The following WDFY3 variants were observed in gnomAD, a reference collection of about 807,000 sequenced individuals.
WDFY3 encodes WD repeat and FYVE domain containing 3.
In WDFY3, 66 loss-of-function variants were observed where a neutral mutation model predicts 409.6. The observed-to-expected ratio is 0.16, with a 90% CI of 0.13 to 0.20. The LOEUF is 0.20. Ranked by LOEUF, WDFY3 falls within the 10% of genes least tolerant of loss-of-function variation. WDFY3 has a pLI of 1.00. For synonymous variants in WDFY3, 1,521 were observed against 1,537.1 expected, an observed-to-expected ratio of 0.99 and a Z score of 0.25; for missense variants, 3,031 against 4,298.1, an observed-to-expected ratio of 0.71 and a Z score of 8.24.
intron 15 of WDFY3, among the ~76,000 whole-genome samples, chr4:84,805,334 C>T (rs1045921073): frequency 8.6e-5 from 13 of 151,964 alleles, no homozygotes; most frequent in Admixed American, 3.3e-4. Context: ...CATTTTTTAT[C>T]TTATATAAGA....
chr4:84,700,465 A>G (rs1012139962), intron 56 of WDFY3, among the ~76,000 whole-genome samples: 1 of 152,198 alleles, frequency 6.6e-6, no homozygotes, highest in Admixed American at 6.5e-5. Flanking sequence ...TGGCCTCCCA[A>G]AGTGCTGGGA....
chr4:84,868,128 T>C (rs567916729), intron 3 of WDFY3, among the ~76,000 whole-genome samples: 6 of 116,976 alleles, frequency 5.1e-5, no homozygotes, highest in East Asian at 5.8e-4. Context: ...GCCGAGATCA[T>C]GCCACTGCAC....
intron 57 of WDFY3, 85 bp downstream of exon 57, chr4:84,696,647 G>T: frequency 7.4e-7 from 1 of 1,344,524 alleles, no homozygotes; most frequent in Non-Finnish European, 1.1e-6. Flanking sequence ...CAAACAGGTG[G>T]TACTCTGGCT....
At chr4:84,906,642 G>T (rs975242465) in intron 2 of WDFY3, among the ~76,000 whole-genome samples, 7 of 152,048 alleles carry the variant, frequency 4.6e-5, no homozygotes, top group African/African-American at 1.7e-4. Flanking sequence ...TATAACCTAT[G>T]CACATTTTCC....
chr4:84,849,918 T>C lies in WDFY3; in HGVS notation c.288A>G (p.Ala96=), dbSNP rs760822577. The C allele has an allele frequency of 6.2e-7, 1 of 1,612,196 alleles. No homozygotes were observed. The highest frequency in any genetic ancestry group is 1.7e-5 in the Admixed American group (1 of 59,532). The change falls in exon 5 of 68, where the codon GCA becomes GCG. Residue 96 remains alanine (A), a synonymous_variant. Transcript: ENST00000295888. ...RLMVTEIRRR[A]SNKSTEAASR... is the part of the protein sequence containing the mutation. The stretch of plus-strand genomic sequence containing the variant: ...TAAAAATACCTGTGGATTTGTTTGA[T>C]GCTCTCCTTCGAATTTCTGTCACCA...
chr4:84,696,774 C>G lies in WDFY3; in HGVS notation c.8646G>C (p.Trp2882Cys). 1 of 1,613,594 alleles carries G rather than the reference C, an allele frequency of 6.2e-7. No homozygotes were observed. The highest frequency in any genetic ancestry group is 8.5e-7 in the Non-Finnish European group (1 of 1,179,858). The change falls in exon 57 of 68, where the codon TGG becomes TGC. Residue 2882 changes from tryptophan to cysteine, a missense_variant. Trp to Cys is a radical substitution (Grantham distance 215). Around this residue, in one of 16 missense-constraint regions of WDFY3, gnomAD observed 129 missense variants for 305.3 expected, o/e 0.42. Coordinates refer to ENST00000295888, the MANE Select transcript of WDFY3 (RefSeq NM_014991.6). ...TKLGDVILPP[W>C]AKGDPREFIR... ...TGAATTCTCGTGGGTCCCCTTTTGC[C>G]CAGGGTGGAAGGATAACATCTCCAA...
At chr4:84,957,529 G>A (rs1044633447) in intron 1 of WDFY3, among the ~76,000 whole-genome samples, 5 of 152,262 alleles carry the variant, frequency 3.3e-5, no homozygotes, top group Middle Eastern at 3.4e-3. Flanking sequence ...GTTCAAAGAC[G>A]TGAAGGTAAT....
chr4:84,882,609 AAC>A (rs1272469750), intron 3 of WDFY3, among the ~76,000 whole-genome samples: 1 of 152,208 alleles, frequency 6.6e-6, no homozygotes, highest in Non-Finnish European at 1.5e-5. Context: ...GAAATTCCTA[AAC>A]ACACTTTAAA....
chr4:84,751,386 G>C, intron 36 of WDFY3, 97 bp downstream of exon 36: 1 of 1,255,054 alleles, frequency 8.0e-7, no homozygotes, highest in South Asian at 1.3e-5. Flanking sequence ...ATAAACAAGA[G>C]GAATTAGAAA....
intron 1 of WDFY3, among the ~76,000 whole-genome samples, chr4:84,934,204 T>A (rs1771125275): frequency 6.6e-6 from 1 of 152,130 alleles, no homozygotes; most frequent in Non-Finnish European, 1.5e-5. Flanking sequence ...GTCTTTTGCA[T>A]AAAAGCCATT....
chr4:84,873,934 C>A (rs953077566), intron 3 of WDFY3, among the ~76,000 whole-genome samples: 1 of 151,820 alleles, frequency 6.6e-6, no homozygotes, highest in African/African-American at 2.4e-5. Flanking sequence ...GCATGCACAG[C>A]CACGCCTGGG....
intron 1 of WDFY3, among the ~76,000 whole-genome samples, chr4:84,944,734 G>C (rs779901440): frequency 3.4e-4 from 52 of 152,200 alleles, no homozygotes; most frequent in Non-Finnish European, 6.6e-4. Context: ...GCAGGTTGCA[G>C]TGAGCCGAGA....
chr4:84,816,125 G>A (rs1196371489), intron 13 of WDFY3, among the ~76,000 whole-genome samples: 2 of 151,856 alleles, frequency 1.3e-5, no homozygotes, highest in South Asian at 2.1e-4. Flanking sequence ...CTCTGCCCTC[G>A]TCCTGGAATC....
At chr4:84,722,501 A>G (rs1026860219) in intron 46 of WDFY3, among the ~76,000 whole-genome samples, 1 of 152,232 alleles carries the variant, frequency 6.6e-6, no homozygotes, top group African/African-American at 2.4e-5. Context: ...TACATGAATT[A>G]ATTTGATCAA....
intron 56 of WDFY3, among the ~76,000 whole-genome samples, chr4:84,697,084 C>T (rs768459633): frequency 3.3e-5 from 5 of 152,144 alleles, no homozygotes; most frequent in Non-Finnish European, 7.4e-5. Context: ...TTATACCAAG[C>T]GAAACATGCT....
At chr4:84,860,273 A>G in intron 4 of WDFY3, 139 bp downstream of exon 4, 1 of 981,078 alleles carries the variant, frequency 1.0e-6, no homozygotes, top group Non-Finnish European at 1.5e-6. Context: ...AGCAAATTGA[A>G]AACATGAAAC....
chr4:84,864,023 T>G (rs1761026963), intron 3 of WDFY3, among the ~76,000 whole-genome samples: 1 of 152,180 alleles, frequency 6.6e-6, no homozygotes, highest in African/African-American at 2.4e-5. Context: ...ATTTGGGTTC[T>G]TTTGTGGTTC....
intron 2 of WDFY3, among the ~76,000 whole-genome samples, chr4:84,924,768 T>C (rs1023331219): frequency 1.3e-4 from 20 of 152,218 alleles, no homozygotes; most frequent in Admixed American, 9.8e-4. Context: ...GTATGTGGTA[T>C]GAACATCATT....
chr4:84,924,488 G>C (rs1769714286), intron 2 of WDFY3, among the ~76,000 whole-genome samples: 2 of 152,158 alleles, frequency 1.3e-5, no homozygotes, highest in Non-Finnish European at 2.9e-5. Flanking sequence ...GCTCCACTCA[G>C]CGTTTTACAT....
Sources: gnomAD v4.1 joint callset for allele counts (sites outside exome capture counted in the v4.1 genomes callset) on GRCh38, gnomAD v4.1.1 for gene constraint, gnomAD v4.1.1 regional missense constraint, MANE v1.5 for transcripts, NCBI Gene and HGNC (gene_info 2026-07-23, HGNC 2026-07-21) for gene names.